Variants in PREX2 observed in about 807,000 individuals in gnomAD.
PREX2 encodes phosphatidylinositol-3,4,5-trisphosphate dependent Rac exchange factor 2.
PREX2 carries 107 observed loss-of-function variants against 203.2 expected under a neutral mutation model. The observed-to-expected ratio is 0.53, with a 90% CI of 0.45 to 0.62. PREX2 has a LOEUF of 0.62. Ranked by LOEUF, PREX2 falls within the 20% of genes least tolerant of loss-of-function variation. The pLI, the probability that PREX2 is intolerant of heterozygous loss-of-function variation, is 0.00. For missense variants in PREX2, 1,777 were observed against 1,955.9 expected (o/e 0.91, Z 1.72); for synonymous variants, 672 against 663.6 (o/e 1.01, Z -0.19).
chr8:67,987,254 A>G (rs1328397097), intron 1 of PREX2, among the ~76,000 whole-genome samples: 7 of 150,598 alleles, frequency 4.6e-5, no homozygotes, highest in East Asian at 3.9e-4. Flanking sequence ...TTGGAGCTAT[A>G]TAAGGCCAGT....
rs757894993 is a variant in PREX2 at position 68,027,206 on chromosome 8, A to G, written c.442-16A>G. ...ATTATTAAAGATGTAATTAATTTTGATTATTTTCACCCCAGAACTGCATGC... is the reference window on the plus strand; with the variant it reads ...ATTATTAAAGATGTAATTAATTTTGGTTATTTTCACCCCAGAACTGCATGC... On this transcript the variant is annotated splice_polypyrimidine_tract_variant and intron_variant, in intron 4 of 39. Coordinates refer to ENST00000288368, the MANE Select transcript of PREX2 (RefSeq NM_024870.4). The G allele has an allele frequency of 1.9e-6, 3 of 1,580,230 alleles. No individual in the cohort carries two copies.
intron 30 of PREX2, among the ~76,000 whole-genome samples, chr8:68,124,367 C>T (rs183429602): frequency 1.3e-5 from 2 of 152,002 alleles, no homozygotes; most frequent in Non-Finnish European, 2.9e-5. Context: ...AGTCCATTAT[C>T]CTTAGCAAAC....
In PREX2 at chr8:68,069,132, C is replaced by G; in HGVS notation, c.1439C>G (p.Ser480Ter). Residue 480 changes from serine (S) to a stop codon, truncating the protein, a stop_gained, in exon 12 of 40, where the codon TCA (serine) becomes TGA (stop). Transcript: ENST00000288368. LOFTEE classifies it high-confidence loss of function. ...YPRNEMQDVISKGVRLYCRLH... is the reference protein window; with the variant it reads ...YPRNEMQDVI ...AGAAATGAGATGCAGGACGTGATTT[C>G]AAAGGTAACGACCTCTCCCACAACC... is the stretch of plus-strand genomic sequence containing the variant. The G allele has an allele frequency of 6.6e-7, 1 of 1,525,356 alleles. No individual in the cohort carries two copies. Among genetic ancestry groups the G allele is most frequent in the Non-Finnish European group, 8.9e-7 (1 of 1,117,816 alleles). The allele number at this position is 1,525,356 out of a possible 1,614,324, so 94.5% of individuals were successfully genotyped here.
At chr8:68,138,800 TATCA>T (rs1811163779) in intron 33 of PREX2, among the ~76,000 whole-genome samples, 1 of 152,190 alleles carries the variant, frequency 6.6e-6, no homozygotes, top group Admixed American at 6.5e-5. Context: ...AAAATATATC[TATCA>T]GTCTAAGAAA....
chr8:67,973,755 A>G (rs1012154129), intron 1 of PREX2, among the ~76,000 whole-genome samples: 2 of 152,188 alleles, frequency 1.3e-5, no homozygotes, highest in African/African-American at 4.8e-5. Context: ...AGTTTATAAA[A>G]CATTATCATA....
intron 35 of PREX2, among the ~76,000 whole-genome samples, chr8:68,186,045 A>G (rs1269108199): frequency 8.1e-6 from 1 of 123,134 alleles, no homozygotes; most frequent in Non-Finnish European, 1.8e-5. Flanking sequence ...TGCTTTGGAT[A>G]TTTATGTCCT....
chr8:68,040,869 G>T (rs1171828304), intron 7 of PREX2, among the ~76,000 whole-genome samples: 2 of 152,148 alleles, frequency 1.3e-5, no homozygotes, highest in African/African-American at 2.4e-5. Flanking sequence ...CTAGTCCCCT[G>T]TAGAGCTTAG....
chr8:68,231,241 A>T, intron 39 of PREX2, 92 bp from the exon 40 acceptor site: 1 of 897,828 alleles, frequency 1.1e-6, no homozygotes. Flanking sequence ...GAAACAAGAA[A>T]TTATCATCAA....
chr8:68,176,176 T>C (rs1314855415), intron 35 of PREX2, among the ~76,000 whole-genome samples: 1 of 152,168 alleles, frequency 6.6e-6, no homozygotes, highest in Non-Finnish European at 1.5e-5. Flanking sequence ...GATGTAAAAT[T>C]AGATGCATTC....
At chr8:67,976,665 G>GA (rs1418027208) in intron 1 of PREX2, among the ~76,000 whole-genome samples, 1 of 104,244 alleles carries the variant, frequency 9.6e-6, no homozygotes, top group East Asian at 4.4e-4. Context: ...AGACGGGAGA[G>GA]AGACAGAGAG....
At chr8:68,000,470 A>G (rs1806907421) in intron 1 of PREX2, among the ~76,000 whole-genome samples, 1 of 152,218 alleles carries the variant, frequency 6.6e-6, no homozygotes, top group African/African-American at 2.4e-5. Context: ...ATGGAAAAAC[A>G]TTCCATGCTC....
intron 37 of PREX2, among the ~76,000 whole-genome samples, chr8:68,207,724 G>T (rs1485814832): frequency 1.3e-5 from 2 of 152,054 alleles, no homozygotes; most frequent in Non-Finnish European, 2.9e-5. Flanking sequence ...TTACAGAGGA[G>T]GAAACAGAGT....
At chr8:67,993,143 AT>A (rs1194024435) in intron 1 of PREX2, among the ~76,000 whole-genome samples, 3 of 152,090 alleles carry the variant, frequency 2.0e-5, no homozygotes, top group African/African-American at 7.2e-5. Flanking sequence ...GTGGTATTCT[AT>A]TTTCTAAGAA....
Position 68,209,070 on chromosome 8 carries a change from T to TAAA in PREX2, c.4605-8528_4605-8526dup, listed in dbSNP as rs994362514. Among the ~76,000 whole-genome samples, 561 of 115,072 alleles carry TAAA rather than the reference T, an allele frequency of 4.9e-3. 4 individuals carry two copies. Among genetic ancestry groups the TAAA allele is most frequent in the African/African-American group, 0.016 (503 of 30,710 alleles). The allele number at this position is 115,072 out of a possible 152,430, so 75.5% of individuals were successfully genotyped here. A position where few individuals can be genotyped will look rare whatever the true frequency, so the allele number is the denominator to read the frequency against. On this transcript the variant is annotated intron_variant, in intron 37 of 39. Coordinates refer to ENST00000288368, the MANE Select transcript of PREX2 (RefSeq NM_024870.4). ...CGACAGAGCAAGACCTGGACTCATTTAAAAAAAAAAAAAAAAAAAAGAAAG... is the reference window on the plus strand; with the variant it reads ...CGACAGAGCAAGACCTGGACTCATTTAAAAAAAAAAAAAAAAAAAAAAAGAAAG...
chr8:68,052,764 A>G (rs1420769888), intron 8 of PREX2, among the ~76,000 whole-genome samples: 1 of 152,206 alleles, frequency 6.6e-6, no homozygotes, highest in Admixed American at 6.5e-5. Flanking sequence ...TTGAGAAGAA[A>G]ACACCTTGCA....
chr8:68,046,264 G>A (rs1808348122), intron 8 of PREX2, among the ~76,000 whole-genome samples: 1 of 151,980 alleles, frequency 6.6e-6, no homozygotes, highest in Non-Finnish European at 1.5e-5. Flanking sequence ...ATCTGCATTG[G>A]TGATCTGACT....
At chr8:68,227,019 G>T (rs1813069407) in intron 39 of PREX2, among the ~76,000 whole-genome samples, 2 of 152,226 alleles carry the variant, frequency 1.3e-5, no homozygotes, top group Admixed American at 1.3e-4. Context: ...TGAGACTGGA[G>T]ATATAGGCAG....
In PREX2 at chr8:68,069,894, G is replaced by T; in HGVS notation, c.1493+10G>T. ...TTACTCCAGTGATAAGGTGAGTCTGGTTTTTAAGTTCTGGGAAACTTAAAT... is the reference window on the plus strand; with the variant it reads ...TTACTCCAGTGATAAGGTGAGTCTGTTTTTTAAGTTCTGGGAAACTTAAAT... On this transcript the variant is annotated intron_variant, in intron 13 of 39. Transcript: ENST00000288368. 1 of 1,489,424 alleles carries T rather than the reference G, an allele frequency of 6.7e-7. No individual in the cohort carries two copies. Among genetic ancestry groups the T allele is most frequent in the Non-Finnish European group, 9.2e-7 (1 of 1,082,648 alleles). The allele number at this position is 1,489,424 out of a possible 1,614,324, so 92.3% of individuals were successfully genotyped here. A position where few individuals can be genotyped will look rare whatever the true frequency, so the allele number is the denominator to read the frequency against.
chr8:68,170,563 C>A (rs987092507), intron 35 of PREX2, among the ~76,000 whole-genome samples: 2 of 152,232 alleles, frequency 1.3e-5, no homozygotes, highest in African/African-American at 4.8e-5. Flanking sequence ...ACTGAGCTAG[C>A]AGAAATGCTT....
Sources: gnomAD v4.1 joint callset for allele counts (sites outside exome capture counted in the v4.1 genomes callset) on GRCh38, gnomAD v4.1.1 for gene constraint, MANE v1.5 for transcripts, NCBI Gene and HGNC (gene_info 2026-07-23, HGNC 2026-07-21) for gene names.